SARAF: variants seen among roughly 807,000 people sequenced by gnomAD.
SARAF encodes store-operated calcium entry associated regulatory factor, also known as store-operated calcium entry-associated regulatory factor.
SARAF carries 23 observed loss-of-function variants against 39.7 expected under a neutral mutation model. That is an observed-to-expected ratio of 0.58 (90% CI 0.42 to 0.82). SARAF has a LOEUF of 0.82. SARAF is among the 40% of genes least tolerant of loss of function. The probability of loss-of-function intolerance (pLI) is 0.00; values close to 1 mark genes in which losing one functional copy is unlikely to be tolerated. For synonymous variants in SARAF, 175 were observed against 168.5 expected (o/e 1.04, Z -0.30); for missense variants, 384 against 418.5 (o/e 0.92, Z 0.72).
At chr8:30,079,887 C>T (rs1378214078) in intron 1 of SARAF, among the ~76,000 whole-genome samples, 2 of 152,156 alleles carry the variant, frequency 1.3e-5, no homozygotes, top group African/African-American at 4.8e-5. Context: ...CTAATACCCA[C>T]GCCCCACTAG....
At chr8:30,064,975 T>C (rs543801345) in intron 5 of SARAF, among the ~76,000 whole-genome samples, 24 of 152,206 alleles carry the variant, frequency 1.6e-4, no homozygotes, top group Non-Finnish European at 2.5e-4. Flanking sequence ...TGCATGTGTA[T>C]TTTATAAAAT....
intron 1 of SARAF, among the ~76,000 whole-genome samples, chr8:30,075,829 G>A (rs1266259272): frequency 6.6e-6 from 1 of 151,804 alleles, no homozygotes; most frequent in East Asian, 1.9e-4. Flanking sequence ...GAATGACTGT[G>A]GTCAGGTAAA....
At chr8:30,075,842 G>A (rs910966209) in intron 1 of SARAF, among the ~76,000 whole-genome samples, 2 of 152,002 alleles carry the variant, frequency 1.3e-5, no homozygotes, top group Non-Finnish European at 1.5e-5. Flanking sequence ...CAGGTAAAAC[G>A]AAAGAGGAGA....
chr8:30,063,759 G>T lies in SARAF; in HGVS notation c.*129C>A. On this transcript the variant is annotated 3_prime_UTR_variant, in exon 6 of 6. Transcript: ENST00000256255. ...TAATAGAATACAAAAAGCTACACTG[G>T]ACATAACACCACAGAACTTTTGAAT... 1.3e-6 allele frequency: 1 copy of T among 793,056 alleles called. No homozygotes were observed. The highest frequency in any genetic ancestry group is 2.2e-6 in the Non-Finnish European group (1 of 458,232). 49.1% of individuals were successfully genotyped at this position (793,056 alleles called of 1,614,324 possible).
Position 30,069,668 on chromosome 8 carries a change from G to A in SARAF, c.674C>T (p.Pro225Leu), listed in dbSNP as rs759809032. Residue 225 changes from proline (P) to leucine (L), a missense_variant, in exon 3 of 6, where the codon CCC becomes CTC. Physicochemically the swap from Pro to Leu is moderately conservative, Grantham distance 98 (BLOSUM62 -3). Coordinates refer to ENST00000256255, the MANE Select transcript of SARAF (RefSeq NM_016127.6). ...TGTGAACTCAGACTTAAAGCCTGGG[G>A]GAGGAGGTCCTGCTGAGTTGGTGAA... Reference protein sequence around the residue: ...QRFTNSAGPPPPGFKSEFTGP... With the variant: ...QRFTNSAGPPLPGFKSEFTGP... 5 of 1,614,132 alleles carry A rather than the reference G, an allele frequency of 3.1e-6. No individual in the cohort carries two copies. Among genetic ancestry groups the A allele is most frequent in the South Asian group, 1.1e-5 (1 of 91,076 alleles).
chr8:30,066,267 T>C, intron 4 of SARAF, 128 bp from the exon 5 acceptor site: 1 of 978,998 alleles, frequency 1.0e-6, no homozygotes, highest in Non-Finnish European at 1.5e-6. Context: ...TTCTGGTATA[T>C]CAGAGTTAAC....
At chr8:30,079,070 T>C (rs1411262862) in intron 1 of SARAF, among the ~76,000 whole-genome samples, 5 of 146,368 alleles carry the variant, frequency 3.4e-5, no homozygotes, top group Non-Finnish European at 7.4e-5. Context: ...GGCAGGAGAA[T>C]CACTTGAATC....
chr8:30,079,820 C>T (rs1334274379), intron 1 of SARAF, among the ~76,000 whole-genome samples: 1 of 152,142 alleles, frequency 6.6e-6, no homozygotes, highest in African/African-American at 2.4e-5. Flanking sequence ...AATAGCATTA[C>T]CATAATCCTA....
chr8:30,065,540 CCTTT>C (rs1801664714), intron 5 of SARAF, among the ~76,000 whole-genome samples: 1 of 152,132 alleles, frequency 6.6e-6, no homozygotes, highest in African/African-American at 2.4e-5. Flanking sequence ...TCCAGTTATT[CCTTT>C]GTTTTTTTTG....
At chr8:30,068,653 T>C (rs1199219059) in intron 3 of SARAF, among the ~76,000 whole-genome samples, 1 of 138,042 alleles carries the variant, frequency 7.2e-6, no homozygotes. Flanking sequence ...ACTGGTGAAG[T>C]AGATGTCTTC....
rs1801609475 is a variant in SARAF at position 30,063,794 on chromosome 8, T to C, written c.*94A>G. ...CACAGAACTTTTGAATATCCCCTTT[T>C]CCCAATTGTTAACAGGTAGTACTTT... On this transcript the variant is annotated 3_prime_UTR_variant, in exon 6 of 6. Coordinates refer to ENST00000256255, the MANE Select transcript of SARAF (RefSeq NM_016127.6). 2.8e-6 allele frequency: 3 copies of C among 1,075,944 alleles called. No individual in the cohort carries two copies. In the South Asian group the frequency reaches 3.8e-5, roughly 14 times the overall value. The allele number at this position is 1,075,944 out of a possible 1,614,324, so 66.6% of individuals were successfully genotyped here. A position where few individuals can be genotyped will look rare whatever the true frequency, so the allele number is the denominator to read the frequency against.
At chr8:30,064,552 TA>T (rs1477167070) in intron 5 of SARAF, among the ~76,000 whole-genome samples, 2,390 of 27,792 alleles carry the variant, frequency 0.086, 216 homozygotes, top group South Asian at 0.12. Context: ...TATATATATA[TA>T]TATATATATT....
At chr8:30,066,975 G>T in intron 3 of SARAF, 57 bp from the exon 4 acceptor site, 1 of 1,509,140 alleles carries the variant, frequency 6.6e-7, no homozygotes, top group Non-Finnish European at 9.1e-7. Context: ...GTCTACAAAA[G>T]CAAAGATAAT....
intron 1 of SARAF, among the ~76,000 whole-genome samples, chr8:30,082,058 A>G (rs745712642): frequency 2.0e-5 from 3 of 152,092 alleles, no homozygotes; most frequent in Non-Finnish European, 4.4e-5. Flanking sequence ...CGGTTCTCAT[A>G]AAGACGCGGT....
At chr8:30,079,158 C>CA (rs60893961) in intron 1 of SARAF, among the ~76,000 whole-genome samples, 1,151 of 54,038 alleles carry the variant, frequency 0.021, 34 homozygotes, top group Middle Eastern at 0.056. Context: ...AACTCCATCT[C>CA]AAAAAAAAAA....
At chr8:30,080,742 A>C (rs1291254903) in intron 1 of SARAF, among the ~76,000 whole-genome samples, 3 of 152,244 alleles carry the variant, frequency 2.0e-5, no homozygotes, top group Non-Finnish European at 4.4e-5. Context: ...ATGTGAGCTA[A>C]AGTAATGGCA....
intron 5 of SARAF, among the ~76,000 whole-genome samples, chr8:30,064,238 A>C (rs527650707): frequency 6.6e-6 from 1 of 152,152 alleles, no homozygotes; most frequent in Non-Finnish European, 1.5e-5. Flanking sequence ...CCAGTGGCGC[A>C]TAAGCCATGC....
At chr8:30,064,543 A>ATTTTTT (rs1187215004) in intron 5 of SARAF, among the ~76,000 whole-genome samples, 2 of 49,032 alleles carry the variant, frequency 4.1e-5, no homozygotes. Flanking sequence ...CCATATATAT[A>ATTTTTT]TATATATATA....
chr8:30,065,545 G>GT (rs1327516342), intron 5 of SARAF, among the ~76,000 whole-genome samples: 4 of 151,906 alleles, frequency 2.6e-5, no homozygotes, highest in Admixed American at 6.6e-5. Context: ...TTATTCCTTT[G>GT]TTTTTTTTGT....
Sources: allele counts gnomAD v4.1 joint callset (sites outside exome capture counted in the v4.1 genomes callset), GRCh38; gene constraint gnomAD v4.1.1; transcripts MANE v1.5; gene names NCBI Gene and HGNC (gene_info 2026-07-23, HGNC 2026-07-21).